TNRC6C: variants seen among roughly 807,000 people sequenced by gnomAD.
TNRC6C encodes the protein trinucleotide repeat containing adaptor 6C.
A neutral mutation model predicts 153.7 loss-of-function variants in TNRC6C; 20 were observed. That is an observed-to-expected ratio of 0.13 (90% CI 0.09 to 0.19). The LOEUF (loss-of-function observed/expected upper bound fraction) is 0.19. Among genes scored for constraint, TNRC6C ranks in the 10% least tolerant of loss-of-function variants. TNRC6C has a pLI of 1.00. For missense variants in TNRC6C, 1,987 were observed against 2,172.0 expected (o/e 0.91, Z 1.69); for synonymous variants, 811 against 841.4 (o/e 0.96, Z 0.63).
chr17:78,094,109 A>G (rs922590445), intron 16 of TNRC6C, among the ~76,000 whole-genome samples: 1 of 151,878 alleles, frequency 6.6e-6, no homozygotes, highest in African/African-American at 2.4e-5. Flanking sequence ...CCTCCCAAGT[A>G]GCTGGAATTA....
At chr17:77,961,614 G>T (rs2070863368) in intron 1 of TNRC6C, among the ~76,000 whole-genome samples, 1 of 152,146 alleles carries the variant, frequency 6.6e-6, no homozygotes, top group Non-Finnish European at 1.5e-5. Flanking sequence ...CGTCCTTCGT[G>T]TTTATTGCGG....
chr17:78,047,952 G>A lies in TNRC6C; in HGVS notation c.-218-893G>A, dbSNP rs190517757. On this transcript the variant is annotated intron_variant, in intron 2 of 19. Coordinates refer to ENST00000301624, the Ensembl canonical transcript of TNRC6C. Reference sequence around the variant, plus strand: ...AAATAAAATGTAGATCCAAACAGGGGATTCTTTAAAAGGACCCGAAGAGTT... The same window carrying A: ...AAATAAAATGTAGATCCAAACAGGGAATTCTTTAAAAGGACCCGAAGAGTT... Among the ~76,000 whole-genome samples, 440 of 152,270 alleles carry A rather than the reference G, an allele frequency of 2.9e-3. 4 individuals are homozygous for A. Among genetic ancestry groups the A allele is most frequent in the Middle Eastern group, 0.02 (6 of 294 alleles).
At chr17:77,976,461 AT>A (rs2070998551) in intron 1 of TNRC6C, among the ~76,000 whole-genome samples, 1 of 152,204 alleles carries the variant, frequency 6.6e-6, no homozygotes, top group African/African-American at 2.4e-5. Flanking sequence ...AGTTTACTGT[AT>A]TTCACACACA....
chr17:78,029,839 A>C (rs2072027514), intron 1 of TNRC6C, among the ~76,000 whole-genome samples: 1 of 150,308 alleles, frequency 6.7e-6, no homozygotes, highest in African/African-American at 2.5e-5. Context: ...ACACACACAT[A>C]AGCCAAGGCC....
chr17:78,050,341 A>G lies in TNRC6C; in HGVS notation c.1279A>G (p.Ile427Val), dbSNP rs753976934. 8.1e-6 allele frequency: 13 copies of G among 1,607,714 alleles called. No individual in the cohort carries two copies. In the South Asian group the frequency reaches 1.2e-4, roughly 15 times the overall value. The stretch of plus-strand genomic sequence containing the variant: ...AGGCCGAAGGCGAGATAAAGGGATT[A>G]TAGACCAAGGGCACATCCAGTTGCC... Residue 427 changes from isoleucine to valine, a missense_variant, in exon 3 of 20, where the codon ATA (isoleucine) becomes GTA (valine). By Grantham distance (29) the Ile-to-Val change is conservative (BLOSUM62 3). Transcript: ENST00000301624.
chr17:78,050,848 G>C (rs1187129955), exon 3 of TNRC6C: 4 of 1,613,954 alleles, frequency 2.5e-6, no homozygotes, highest in Admixed American at 1.7e-5. Context: ...GAGTGCAGGA[G>C]GGGGAGATTG....
intron 10 of TNRC6C, among the ~76,000 whole-genome samples, chr17:78,080,932 A>G (rs763492447): frequency 4.6e-5 from 7 of 152,180 alleles, no homozygotes; most frequent in Non-Finnish European, 8.8e-5. Flanking sequence ...ATTTAATTTA[A>G]ATGTGTTTAG....
At chr17:78,020,314 G>A (rs559346667) in intron 1 of TNRC6C, among the ~76,000 whole-genome samples, 3 of 152,266 alleles carry the variant, frequency 2.0e-5, no homozygotes, top group Admixed American at 6.5e-5. Flanking sequence ...TATACTCCGG[G>A]ACCCTTGGTC....
At chr17:78,085,727 C>T (rs984469095) in intron 11 of TNRC6C, among the ~76,000 whole-genome samples, 1 of 152,096 alleles carries the variant, frequency 6.6e-6, no homozygotes, top group Non-Finnish European at 1.5e-5. Flanking sequence ...GAGATAACCA[C>T]GTTGTTTAAC....
intron 1 of TNRC6C, among the ~76,000 whole-genome samples, chr17:77,992,654 T>C (rs909881029): frequency 1.3e-5 from 2 of 152,156 alleles, no homozygotes; most frequent in Admixed American, 6.5e-5. Context: ...AGAAGATGAT[T>C]TAATAAAGCC....
intron 1 of TNRC6C, chr17:78,008,848 C>A (rs2071570177): frequency 6.6e-6 from 1 of 152,110 alleles, no homozygotes; most frequent in Non-Finnish European, 1.5e-5. Context: ...AACAGTTAGC[C>A]ATCCTTGAAT....
At chr17:77,994,837 T>C (rs2071304223) in intron 1 of TNRC6C, among the ~76,000 whole-genome samples, 1 of 152,254 alleles carries the variant, frequency 6.6e-6, no homozygotes, top group Admixed American at 6.5e-5. Flanking sequence ...TTTCAGGTCT[T>C]TGTGCTATTG....
chr17:78,091,843 G>A (rs1443468905), intron 14 of TNRC6C, among the ~76,000 whole-genome samples: 1 of 152,222 alleles, frequency 6.6e-6, no homozygotes, highest in East Asian at 1.9e-4. Context: ...AAACCCCAGA[G>A]CAGCAAAGAA....
In TNRC6C at chr17:78,011,486, A is replaced by C. The variant is rs2071629842; in HGVS notation, c.-546+6407A>C. Among the ~76,000 whole-genome samples the C allele has an allele frequency of 2.0e-5, 3 of 152,218 alleles. No homozygotes were observed. In the South Asian group the frequency reaches 6.2e-4, roughly 32 times the overall value. Reference sequence around the variant, plus strand: ...ACTCAGTGTATTGCTTTTGAAATTCATCCATGCTGTAGTGTGTATCAGTAG... The same window carrying C: ...ACTCAGTGTATTGCTTTTGAAATTCCTCCATGCTGTAGTGTGTATCAGTAG... On this transcript the variant is annotated intron_variant, in intron 1 of 19. Coordinates refer to ENST00000301624, the Ensembl canonical transcript of TNRC6C.
chr17:78,016,686 A>G (rs745330217), intron 1 of TNRC6C, among the ~76,000 whole-genome samples: 7 of 152,014 alleles, frequency 4.6e-5, no homozygotes, highest in Non-Finnish European at 1.5e-5. Flanking sequence ...TCTTTAGGTC[A>G]TTCTCTGTGG....
chr17:78,087,320 G>T (rs2073313272), intron 13 of TNRC6C, among the ~76,000 whole-genome samples: 1 of 152,072 alleles, frequency 6.6e-6, no homozygotes. Context: ...GTCTCACCAT[G>T]TTGCTCAGGC....
intron 1 of TNRC6C, among the ~76,000 whole-genome samples, chr17:77,997,218 A>G (rs993761557): frequency 2.0e-5 from 3 of 152,122 alleles, no homozygotes; most frequent in Non-Finnish European, 4.4e-5. Context: ...CATGATAGTG[A>G]GTCTCGAGAA....
upstream of TNRC6C, among the ~76,000 whole-genome samples, chr17:78,002,862 T>C (rs1338016720): frequency 2.6e-5 from 4 of 152,204 alleles, no homozygotes; most frequent in African/African-American, 9.7e-5. Context: ...TCTTCAGTGA[T>C]TGAATTAGTG....
chr17:78,038,176 G>A (rs2072217939), intron 2 of TNRC6C, among the ~76,000 whole-genome samples: 1 of 152,156 alleles, frequency 6.6e-6, no homozygotes, highest in Admixed American at 6.5e-5. Flanking sequence ...AAGTTTGAGT[G>A]TATAAAAATT....
Sources: gnomAD v4.1 joint callset for allele counts (sites outside exome capture counted in the v4.1 genomes callset) on GRCh38, gnomAD v4.1.1 for gene constraint, MANE v1.5 for transcripts, NCBI Gene and HGNC (gene_info 2026-07-23, HGNC 2026-07-21) for gene names.